SBF2: variants seen among roughly 807,000 people sequenced by gnomAD.
SBF2 encodes the protein myotubularin-related protein 13.
Under a neutral mutation model 225.2 loss-of-function variants are expected in SBF2, and 112 were observed. That is an observed-to-expected ratio of 0.50 (90% CI 0.43 to 0.58). The LOEUF is 0.58. Ranked by LOEUF, SBF2 falls within the 20% of genes least tolerant of loss-of-function variation. The pLI is 0.00. For synonymous variants in SBF2, 763 were observed against 773.3 expected, an observed-to-expected ratio of 0.99 and a Z score of 0.22; for missense variants, 1,996 against 2,206.2, an observed-to-expected ratio of 0.90 and a Z score of 1.91.
rs1024638705 is a variant in SBF2, at chr11:10,133,045, T to C, written c.141+60857A>G. On this transcript the variant is annotated intron_variant, in intron 2 of 39. Transcript: ENST00000256190. The stretch of plus-strand genomic sequence containing the variant: ...CCTTGAGCTAGATACAGAGTGCCGA[T>C]TGGTGTATTTACAATCCTTGAGCTA... Among the ~76,000 whole-genome samples, 40 of 145,564 alleles carry C rather than the reference T, an allele frequency of 2.7e-4. 1 individual carries two copies. The highest frequency in any genetic ancestry group is 2.3e-4 in the East Asian group (1 of 4,314).
chr11:9,915,187 G>A (rs895022531), intron 16 of SBF2, among the ~76,000 whole-genome samples: 3 of 152,066 alleles, frequency 2.0e-5, no homozygotes, highest in Non-Finnish European at 4.4e-5. Flanking sequence ...AGTGGCTCAC[G>A]CCTGTAATCC....
chr11:10,044,435 A>C (rs1031319185), intron 2 of SBF2: 1 of 158,278 alleles, frequency 6.3e-6, no homozygotes, highest in African/African-American at 2.4e-5. Context: ...TAATAAGCAA[A>C]GTAATAAAAT....
At chr11:10,233,708 G>A (rs1016140253) in intron 1 of SBF2, among the ~76,000 whole-genome samples, 3 of 152,046 alleles carry the variant, frequency 2.0e-5, no homozygotes, top group Non-Finnish European at 4.4e-5. Flanking sequence ...GCTGCAGGGA[G>A]GGTAATTAGC....
chr11:10,054,751 G>C (rs1377453580), intron 2 of SBF2, among the ~76,000 whole-genome samples: 2 of 151,958 alleles, frequency 1.3e-5, no homozygotes, highest in African/African-American at 4.8e-5. Flanking sequence ...CAAATGACAT[G>C]AACAGATATT....
chr11:10,080,873 T>C (rs374231817), intron 2 of SBF2, among the ~76,000 whole-genome samples: 45 of 152,254 alleles, frequency 3.0e-4, no homozygotes, highest in African/African-American at 1.0e-3. Context: ...GAAGTCTTTA[T>C]GTAATAATAA....
intron 17 of SBF2, among the ~76,000 whole-genome samples, chr11:9,868,778 T>C (rs1410299460): frequency 1.3e-5 from 2 of 152,218 alleles, no homozygotes; most frequent in Non-Finnish European, 2.9e-5. Flanking sequence ...GACACATTTC[T>C]TTTGTCCTCT....
chr11:10,215,538 G>C (rs572301280), intron 1 of SBF2, among the ~76,000 whole-genome samples: 4 of 152,064 alleles, frequency 2.6e-5, no homozygotes, highest in Non-Finnish European at 5.9e-5. Flanking sequence ...TGGGAGGATC[G>C]CTTGAGCCCA....
intron 1 of SBF2, among the ~76,000 whole-genome samples, chr11:10,197,737 C>T (rs901243973): frequency 6.6e-6 from 1 of 152,212 alleles, no homozygotes; most frequent in Non-Finnish European, 1.5e-5. Flanking sequence ...CCTCTCAAAC[C>T]CTGCTGCTGC....
At chr11:10,053,706 G>A (rs1374879388) in intron 2 of SBF2, among the ~76,000 whole-genome samples, 2 of 151,816 alleles carry the variant, frequency 1.3e-5, no homozygotes, top group East Asian at 3.9e-4. Context: ...AATGAGCTGA[G>A]ATCGCACCAC....
intron 2 of SBF2, among the ~76,000 whole-genome samples, chr11:10,140,365 A>C (rs1041478430): frequency 6.6e-6 from 1 of 152,204 alleles, no homozygotes; most frequent in African/African-American, 2.4e-5. Context: ...CAATTGAGTT[A>C]ATCACTATTG....
At chr11:10,173,344 T>C (rs935148835) in intron 2 of SBF2, among the ~76,000 whole-genome samples, 1 of 152,184 alleles carries the variant, frequency 6.6e-6, no homozygotes, top group Non-Finnish European at 1.5e-5. Context: ...ATTGCCTCAC[T>C]CGGGAAGCGC....
In SBF2 at chr11:9,993,950, G is replaced by A. The variant is rs1565106242; in HGVS notation, c.1024C>T (p.Arg342Ter). 1.6e-6 allele frequency: 2 copies of A among 1,251,248 alleles called. No homozygotes were observed. The highest frequency in any genetic ancestry group is 2.4e-6 in the Non-Finnish European group (2 of 848,786). The allele number at this position is 1,251,248 out of a possible 1,614,324, so 77.5% of individuals were successfully genotyped here. The change falls in exon 10 of 40, where the codon CGA (arginine) becomes TGA (stop). Residue 342 changes from arginine (R) to a stop codon, truncating the protein, a stop_gained. Transcript: ENST00000256190. LOFTEE classifies it high-confidence loss of function. ...ATTTTTGAGTGGGATAAAGCTGTTC[G>A]TGGAGGAGGAAAAGCATGATCTGCT... ...EVADHAFPPP[R>*]TALSHSKMLD...
At chr11:9,909,935 A>G (rs1862457516) in intron 16 of SBF2, among the ~76,000 whole-genome samples, 2 of 152,204 alleles carry the variant, frequency 1.3e-5, no homozygotes, top group Admixed American at 1.3e-4. Flanking sequence ...ATTTTAATAT[A>G]TGATGCTGAG....
rs2133841719 is a variant in SBF2 at position 9,781,535 on chromosome 11, T to C, written c.5423A>G (p.Lys1808Arg). Residue 1808 changes from lysine (K) to arginine (R), a missense_variant, in exon 39 of 40, where the codon AAG becomes AGG. Lys to Arg is a conservative substitution (Grantham distance 26, BLOSUM62 2). Transcript: ENST00000256190. ...IPAGPSMGAP[K>R]HTSDKAFFDL... ...AAAGAAAGCCTTGTCACTTGTGTGC[T>C]TTGGGGCTCCCATGCTGGGGCCAGC... The C allele has an allele frequency of 6.2e-7, 1 of 1,614,238 alleles. No homozygotes were observed. The highest frequency in any genetic ancestry group is 2.2e-5 in the East Asian group (1 of 44,886).
intron 17 of SBF2, among the ~76,000 whole-genome samples, chr11:9,871,167 G>A (rs1018997943): frequency 6.6e-6 from 1 of 151,972 alleles, no homozygotes; most frequent in African/African-American, 2.4e-5. Context: ...AAACTAAAGA[G>A]CTTCTGCACA....
At chr11:10,044,347 G>GCA (rs1426549895) in intron 2 of SBF2, among the ~76,000 whole-genome samples, 1 of 151,838 alleles carries the variant, frequency 6.6e-6, no homozygotes, top group African/African-American at 2.4e-5. Context: ...AGAAGAAAAG[G>GCA]CACACACACA....
chr11:9,973,239 C>G (rs997849272), intron 13 of SBF2, among the ~76,000 whole-genome samples: 3 of 152,206 alleles, frequency 2.0e-5, no homozygotes, highest in Non-Finnish European at 4.4e-5. Flanking sequence ...ACTTGTAACA[C>G]AAGATGTGTT....
At position 10,098,416 on chromosome 11, in the gene SBF2, C is replaced by T. The variant is rs1279640080; in HGVS notation, c.142-55435G>A. Among the ~76,000 whole-genome samples, 3 of 150,418 alleles carry T rather than the reference C, an allele frequency of 2.0e-5. No homozygotes were observed. The East Asian group carries it at 5.8e-4, about 29-fold the overall frequency. On this transcript the variant is annotated intron_variant, in intron 2 of 39. Coordinates refer to ENST00000256190, the MANE Select transcript of SBF2 (RefSeq NM_030962.4). ...TCTCCTGAAGCCAGTCACTACAGAG[C>T]AAAGAAGATAACATCTTCTTTGAAT...
At chr11:9,970,616 A>G (rs973313282) in intron 13 of SBF2, among the ~76,000 whole-genome samples, 1 of 152,170 alleles carries the variant, frequency 6.6e-6, no homozygotes, top group Admixed American at 6.5e-5. Flanking sequence ...AATATAATAG[A>G]AACACACTGC....
Sources: allele counts gnomAD v4.1 joint callset (sites outside exome capture counted in the v4.1 genomes callset), GRCh38; gene constraint gnomAD v4.1.1; transcripts MANE v1.5; gene names NCBI Gene and HGNC (gene_info 2026-07-23, HGNC 2026-07-21).